Variants in TMEM120B observed in about 807,000 individuals in gnomAD.
TMEM120B encodes the protein transmembrane protein 120B.
In TMEM120B, 31 loss-of-function variants were observed where a neutral mutation model predicts 55.5. The observed-to-expected ratio is 0.56, with a 90% confidence interval of 0.42 to 0.75. TMEM120B has a LOEUF of 0.75. TMEM120B is among the 30% of genes least tolerant of loss of function. The pLI, the probability that TMEM120B is intolerant of heterozygous loss-of-function variation, is 0.00. For synonymous variants in TMEM120B, 203 were observed against 176.3 expected (o/e 1.15, Z -1.20); for missense variants, 399 against 425.5 (o/e 0.94, Z 0.55).
intron 6 of TMEM120B, among the ~76,000 whole-genome samples, chr12:121,764,661 A>G (rs1418717056): frequency 6.6e-6 from 1 of 152,154 alleles, no homozygotes; most frequent in Non-Finnish European, 1.5e-5. Context: ...CTCAAAAAAA[A>G]AAAAGTGCTC....
chr12:121,753,997 T>C (rs1292174235), intron 5 of TMEM120B, among the ~76,000 whole-genome samples: 1 of 152,252 alleles, frequency 6.6e-6, no homozygotes, highest in Non-Finnish European at 1.5e-5. Context: ...CCTGGGCTGC[T>C]GTTCCTTTCT....
Position 121,779,668 on chromosome 12 carries a change from T to G in TMEM120B, c.*3946T>G, listed in dbSNP as rs1162108835. 6.2e-7 allele frequency: 1 copy of G among 1,613,134 alleles called. No individual in the cohort carries two copies. Among genetic ancestry groups the G allele is most frequent in the East Asian group, 2.2e-5 (1 of 44,860 alleles). ...TGTTCGCAGGCGCTCAGGCCCTGGG[T>G]GGGGGGAGGAGCCAGCATTAGGTGA... is the stretch of plus-strand genomic sequence containing the variant. On this transcript the variant is annotated 3_prime_UTR_variant, in exon 12 of 12. Coordinates refer to ENST00000449592, the MANE Select transcript of TMEM120B (RefSeq NM_001080825.2).
At position 121,773,466 on chromosome 12, in the gene TMEM120B, A is replaced by C. The variant is rs1400737189; in HGVS notation, c.725A>C (p.Tyr242Ser). The C allele has an allele frequency of 1.9e-6, 3 of 1,609,250 alleles. No individual in the cohort carries two copies. Among genetic ancestry groups the C allele is most frequent in the South Asian group, 1.1e-5 (1 of 90,702 alleles). ...TATTATTACCAGAGGGGCTGCCTCTACCGGCTGCGGGCCCTGGGGGAGAGG... is the reference window on the plus strand; with the variant it reads ...TATTATTACCAGAGGGGCTGCCTCTCCCGGCTGCGGGCCCTGGGGGAGAGG... ...LQYYYQRGCL[Y>S]RLRALGERNH... Residue 242 changes from tyrosine to serine, a missense_variant, in exon 9 of 12, where the codon TAC becomes TCC. Around this residue, in one of 3 missense-constraint regions of TMEM120B, gnomAD observed 260 missense variants for 303.9 expected, o/e 0.86. Transcript: ENST00000449592.
At chr12:121,745,896 C>G (rs575745471) in intron 2 of TMEM120B, among the ~76,000 whole-genome samples, 188 of 152,192 alleles carry the variant, frequency 1.2e-3, no homozygotes, top group African/African-American at 4.1e-3. Flanking sequence ...GAGTTTTGCT[C>G]TGTCACCCAG....
chr12:121,732,269 G>A (rs1895016248), intron 1 of TMEM120B, among the ~76,000 whole-genome samples: 1 of 152,238 alleles, frequency 6.6e-6, no homozygotes, highest in African/African-American at 2.4e-5. Flanking sequence ...CCTTGCGGGT[G>A]GAGAATGTGT....
At chr12:121,763,157 C>CTTTTTT (rs35941086) in intron 6 of TMEM120B, among the ~76,000 whole-genome samples, 1 of 88,090 alleles carries the variant, frequency 1.1e-5, no homozygotes, top group Non-Finnish European at 2.3e-5. Context: ...CTCGGCATGC[C>CTTTTTT]TTTTTTTTTT....
At chr12:121,774,112 C>T (rs55796201) in intron 9 of TMEM120B, among the ~76,000 whole-genome samples, 22,479 of 152,002 alleles carry the variant, frequency 0.15, 2,919 homozygotes, top group African/African-American at 0.33. Context: ...TGTGCCACCA[C>T]GCCCGGCTAA....
rs201256957 is a variant in TMEM120B at position 121,748,440 on chromosome 12, C to T, written c.303C>T (p.Asn101=). Residue 101 remains asparagine, a splice_region_variant and synonymous_variant, in exon 3 of 12, where the codon AAC becomes AAT. Coordinates refer to ENST00000449592, the MANE Select transcript of TMEM120B (RefSeq NM_001080825.2). ...TGGAGGCCTACCTGCCCAAGAAGAA[C>T]GGGTAGGAGCTGGCAACCTCCCCAC... is the stretch of plus-strand genomic sequence containing the variant. ...FDMEAYLPKK[N]GLYLNLVLGN... is the part of the protein sequence containing the mutation. The T allele has an allele frequency of 4.4e-5, 71 of 1,604,042 alleles. No homozygotes were observed. The highest frequency in any genetic ancestry group is 5.4e-5 in the African/African-American group (4 of 74,640).
In TMEM120B at chr12:121,721,596, C is replaced by A. The variant is rs551017692; in HGVS notation, c.69+8632C>A. On this transcript the variant is annotated intron_variant, in intron 1 of 11. Coordinates refer to ENST00000449592, the MANE Select transcript of TMEM120B (RefSeq NM_001080825.2). ...AAGCAATTCTTCTGCCTCAGTCTCC[C>A]GAGTAGCTGGGATTGCAGGCAGGCA... Among the ~76,000 whole-genome samples the A allele has an allele frequency of 9.3e-5, 14 of 151,060 alleles. No individual in the cohort carries two copies. In the South Asian group the frequency reaches 2.5e-3, roughly 27 times the overall value.
chr12:121,748,196 GAAGGTGGGAGGCTGGGGT>G (rs1873158178), intron 2 of TMEM120B, 112 bp from the exon 3 acceptor site: 1 of 403,990 alleles, frequency 2.5e-6, no homozygotes, highest in Non-Finnish European at 4.6e-6. Context: ...GGCTGGGGTA[GAAGGTGGGAGGCTGGGGT>G]AGAAGGTAGG....
chr12:121,746,162 C>T (rs1338902884), intron 2 of TMEM120B, among the ~76,000 whole-genome samples: 8 of 150,818 alleles, frequency 5.3e-5, no homozygotes, highest in Non-Finnish European at 1.2e-4. Flanking sequence ...CACCCAGCCC[C>T]TGGTTGTTTT....
At chr12:121,764,932 A>G (rs1221076945) in intron 6 of TMEM120B, among the ~76,000 whole-genome samples, 1 of 152,098 alleles carries the variant, frequency 6.6e-6, no homozygotes, top group Non-Finnish European at 1.5e-5. Context: ...ACTCTCTGAC[A>G]GGAGAGCAGG....
chr12:121,729,375 C>T (rs1894954120), intron 1 of TMEM120B, among the ~76,000 whole-genome samples: 3 of 152,198 alleles, frequency 2.0e-5, no homozygotes, highest in Admixed American at 6.6e-5. Context: ...GATTGTATCT[C>T]GTCCACCTGG....
intron 4 of TMEM120B, 34 bp downstream of exon 4, chr12:121,750,473 C>T: frequency 1.3e-6 from 2 of 1,575,992 alleles, no homozygotes; most frequent in Non-Finnish European, 1.7e-6. Context: ...CAGACCCACA[C>T]CTCACACCGC....
chr12:121,779,606 C>T lies in TMEM120B; in HGVS notation c.*3884C>T, dbSNP rs940679117. ...AGACGTCCTCCACATTCTCCCGAAA[C>T]TTGGCGGAACATTCCAGGTAGAGAG... On this transcript the variant is annotated 3_prime_UTR_variant, in exon 12 of 12. Coordinates refer to ENST00000449592, the MANE Select transcript of TMEM120B (RefSeq NM_001080825.2). The T allele has an allele frequency of 1.2e-6, 2 of 1,614,242 alleles. No homozygotes were observed. Among genetic ancestry groups the T allele is most frequent in the Non-Finnish European group, 8.5e-7 (1 of 1,180,040 alleles).
At chr12:121,742,013 T>G (rs1461259961) in intron 1 of TMEM120B, among the ~76,000 whole-genome samples, 1 of 151,100 alleles carries the variant, frequency 6.6e-6, no homozygotes, top group Non-Finnish European at 1.5e-5. Context: ...CTTCCTTTTT[T>G]TTTTTTTGAG....
chr12:121,735,201 CA>C (rs1158893128), intron 1 of TMEM120B, among the ~76,000 whole-genome samples: 29 of 124,074 alleles, frequency 2.3e-4, no homozygotes, highest in African/African-American at 2.7e-4. Context: ...AAAAAAAAAA[CA>C]AAAAAAAAAA....
intron 1 of TMEM120B, among the ~76,000 whole-genome samples, chr12:121,717,869 G>C (rs1161391173): frequency 6.6e-6 from 1 of 152,044 alleles, no homozygotes; most frequent in Admixed American, 6.6e-5. Flanking sequence ...TGTTGGCCAG[G>C]CTGGTCTCGA....
intron 3 of TMEM120B, 139 bp downstream of exon 3, chr12:121,748,581 C>T: frequency 3.4e-6 from 2 of 591,446 alleles, no homozygotes; most frequent in Non-Finnish European, 5.9e-6. Flanking sequence ...AGATAAGGAG[C>T]CTTCCTTACA....
Sources: gnomAD v4.1 joint callset for allele counts (sites outside exome capture counted in the v4.1 genomes callset) on GRCh38, gnomAD v4.1.1 for gene constraint, gnomAD v4.1.1 regional missense constraint, MANE v1.5 for transcripts, NCBI Gene and HGNC (gene_info 2026-07-23, HGNC 2026-07-21) for gene names.